The following SLC37A2 variants were observed in gnomAD, a reference collection of about 807,000 sequenced individuals.
SLC37A2 encodes the protein solute carrier family 37 member 2.
A neutral mutation model predicts 70.7 loss-of-function variants in SLC37A2; 59 were observed. The ratio of observed to expected loss-of-function variants is 0.83; its 90% CI spans 0.68 to 1.04. The LOEUF is 1.04. Ranked by LOEUF, SLC37A2 falls within the 50% of genes least tolerant of loss-of-function variation. SLC37A2 has a pLI of 0.00. For synonymous variants in SLC37A2, 257 were observed against 262.1 expected (o/e 0.98, Z 0.19); for missense variants, 580 against 658.1 (o/e 0.88, Z 1.30).
intron 1 of SLC37A2, among the ~76,000 whole-genome samples, chr11:125,075,395 G>A (rs575122293): frequency 2.0e-5 from 3 of 152,346 alleles, no homozygotes; most frequent in South Asian, 2.1e-4. Context: ...ACTTGGAGTA[G>A]CCCCAGCTTC....
rs1374116827 is a variant in SLC37A2 at position 125,084,309 on chromosome 11, C to T, written c.1115C>T (p.Ala372Val). Reference sequence around the variant, plus strand: ...ACTTGCTGTGTCATGCTCATCTTGGCTGCCCCCATGGTGCGTATAACCCCG... The same window carrying T: ...ACTTGCTGTGTCATGCTCATCTTGGTTGCCCCCATGGTGCGTATAACCCCG... ...ATTCCVMLIL[A>V]APMMFLYNYI... Residue 372 changes from alanine to valine, a missense_variant, in exon 12 of 18, where the codon GCT becomes GTT. Physicochemically the swap from Ala to Val is moderately conservative, Grantham distance 64 (BLOSUM62 0). Coordinates refer to ENST00000403796, the MANE Select transcript of SLC37A2 (RefSeq NM_001145290.2). 6.2e-7 allele frequency: 1 copy of T among 1,614,246 alleles called. No individual in the cohort carries two copies. Among genetic ancestry groups the T allele is most frequent in the South Asian group, 1.1e-5 (1 of 91,084 alleles).
chr11:125,063,515 T>A lies in SLC37A2; in HGVS notation c.59+89T>A. The stretch of plus-strand genomic sequence containing the variant: ...GGGGGGCCTCGGAGATCACCCCAGA[T>A]CGGCCCCGGCGTCGCCGCGTGGCCA... On this transcript the variant is annotated intron_variant, in intron 1 of 17. Coordinates refer to ENST00000403796, the MANE Select transcript of SLC37A2 (RefSeq NM_001145290.2). This position sits in a 1 kb window ranked among gnomAD's most constrained non-coding sequence, Gnocchi z 5.4. 7.9e-7 allele frequency: 1 copy of A among 1,273,884 alleles called. No individual in the cohort carries two copies. Among genetic ancestry groups the A allele is most frequent in the Non-Finnish European group, 1.1e-6 (1 of 916,548 alleles). 78.9% of individuals were successfully genotyped at this position (1,273,884 alleles called of 1,614,324 possible).
Position 125,080,571 on chromosome 11 carries a change from T to C in SLC37A2, c.528-43T>C. 1 of 1,420,750 alleles carries C rather than the reference T, an allele frequency of 7.0e-7. No homozygotes were observed. Among genetic ancestry groups the C allele is most frequent in the Non-Finnish European group, 9.3e-7 (1 of 1,076,686 alleles). 88.0% of individuals were successfully genotyped at this position (1,420,750 alleles called of 1,614,324 possible). On this transcript the variant is annotated intron_variant, in intron 6 of 17. Transcript: ENST00000403796. The surrounding 1 kb of genome is among the most constrained non-coding windows in gnomAD (Gnocchi z 4.3). The stretch of plus-strand genomic sequence containing the variant: ...AGTTGCTATGAACAATGTGCTTTGC[T>C]TTTTACTTTTTATACCTCTTCCCTT...
At chr11:125,071,482 A>T (rs1400987999) in intron 1 of SLC37A2, among the ~76,000 whole-genome samples, 2 of 152,118 alleles carry the variant, frequency 1.3e-5, no homozygotes, top group Non-Finnish European at 2.9e-5. Flanking sequence ...AAGCAAAACA[A>T]TCTATCCTGT....
At position 125,079,128 on chromosome 11, in the gene SLC37A2, C is replaced by G. The variant is rs370819947; in HGVS notation, c.331C>G (p.Arg111Gly). Residue 111 changes from arginine to glycine, a missense_variant, in exon 5 of 18, where the codon CGG becomes GGG. Transcript: ENST00000403796. ...GMFISGVFGERLPLRYYLSAG... is the reference protein window; with the variant it reads ...GMFISGVFGEGLPLRYYLSAG... Reference sequence around the variant, plus strand: ...CTTCCCCAGTGGGGTTTTTGGGGAGCGGCTTCCGCTCCGTTACTACCTCTC... The same window carrying G: ...CTTCCCCAGTGGGGTTTTTGGGGAGGGGCTTCCGCTCCGTTACTACCTCTC... 2 of 1,614,028 alleles carry G rather than the reference C, an allele frequency of 1.2e-6. No homozygotes were observed. The highest frequency in any genetic ancestry group is 2.7e-5 in the African/African-American group (2 of 74,922).
intron 11 of SLC37A2, 107 bp from the exon 12 acceptor site, chr11:125,084,127 T>C: frequency 7.9e-7 from 1 of 1,272,302 alleles, no homozygotes; most frequent in Non-Finnish European, 1.1e-6. Flanking sequence ...GCTCTGCTGG[T>C]TCTTGCTGAC....
At chr11:125,066,474 A>G (rs897987898) in intron 1 of SLC37A2, among the ~76,000 whole-genome samples, 1 of 152,244 alleles carries the variant, frequency 6.6e-6, no homozygotes, top group Non-Finnish European at 1.5e-5. Flanking sequence ...AAGAAGCATC[A>G]AAGTAAAATA....
chr11:125,079,188 C>T lies in SLC37A2; in HGVS notation c.391C>T (p.Leu131Phe). 2 of 1,614,214 alleles carry T rather than the reference C, an allele frequency of 1.2e-6. No individual in the cohort carries two copies. The highest frequency in any genetic ancestry group is 1.1e-5 in the South Asian group (1 of 91,084). Residue 131 changes from leucine (L) to phenylalanine (F), a missense_variant, in exon 5 of 18, where the codon CTC (leucine) becomes TTC (phenylalanine). Physicochemically the swap from Leu to Phe is conservative, Grantham distance 22. Coordinates refer to ENST00000403796, the MANE Select transcript of SLC37A2 (RefSeq NM_001145290.2). ...GMLLSGLFTS[L>F]FGLGYFWNIH... ...GCTGCTCAGTGGCCTTTTCACCTCG[C>T]TCTTTGGCCTGGGATATTTCTGGAA...
intron 4 of SLC37A2, 37 bp downstream of exon 4, chr11:125,077,565 A>G (rs1299621714): frequency 1.9e-6 from 3 of 1,569,380 alleles, no homozygotes; most frequent in Middle Eastern, 3.4e-4. Context: ...CAAGAGGAGG[A>G]TGGTTTAGAG....
Position 125,080,723 on chromosome 11 carries a change from G to A in SLC37A2, c.637G>A (p.Val213Met), listed in dbSNP as rs370405823. 8 of 1,564,916 alleles carry A rather than the reference G, an allele frequency of 5.1e-6. No homozygotes were observed. The highest frequency in any genetic ancestry group is 2.8e-5 in the African/African-American group (2 of 72,408). ...VNGQWGLSFI[V>M]PGIITAVMGV... ...CGGGCAGTGGGGCCTGTCGTTCATC[G>A]TGCCTGGCATCATTACTGCCGTCAT... The change falls in exon 7 of 18, where the codon GTG becomes ATG. Residue 213 changes from valine to methionine, a missense_variant. Coordinates refer to ENST00000403796, the MANE Select transcript of SLC37A2 (RefSeq NM_001145290.2). This position sits in a 1 kb window ranked among gnomAD's most constrained non-coding sequence, Gnocchi z 4.3.
chr11:125,077,433 C>A lies in SLC37A2; in HGVS notation c.236-17C>A. On this transcript the variant is annotated splice_polypyrimidine_tract_variant and intron_variant, in intron 3 of 17. Transcript: ENST00000403796. Reference sequence around the variant, plus strand: ...CATCCACGCAGTCAGCTTTCTGTTTCTCCCATCTGCTTTCAGACAAGGACA... The same window carrying A: ...CATCCACGCAGTCAGCTTTCTGTTTATCCCATCTGCTTTCAGACAAGGACA... 3 of 1,611,542 alleles carry A rather than the reference C, an allele frequency of 1.9e-6. No individual in the cohort carries two copies. Among genetic ancestry groups the A allele is most frequent in the East Asian group, 2.2e-5 (1 of 44,862 alleles).
chr11:125,068,620 T>G (rs1403267694), intron 1 of SLC37A2, among the ~76,000 whole-genome samples: 2 of 152,160 alleles, frequency 1.3e-5, no homozygotes, highest in Admixed American at 1.3e-4. Context: ...AGAAGTCGGT[T>G]GGGGAGATTT....
intron 1 of SLC37A2, among the ~76,000 whole-genome samples, chr11:125,067,839 A>C (rs557222700): frequency 6.6e-6 from 1 of 152,196 alleles, no homozygotes; most frequent in Non-Finnish European, 1.5e-5. Flanking sequence ...TTCTGGAACA[A>C]CCAGTCATTT....
chr11:125,077,558 G>C, intron 4 of SLC37A2, 30 bp downstream of exon 4: 4 of 1,587,568 alleles, frequency 2.5e-6, no homozygotes, highest in Non-Finnish European at 3.4e-6. Context: ...CTATGACCAA[G>C]AGGAGGATGG....
rs748253509 is a variant in SLC37A2, at chr11:125,076,753, G to T, written c.60-4G>T. On this transcript the variant is annotated splice_region_variant and splice_polypyrimidine_tract_variant and intron_variant, in intron 1 of 17. Transcript: ENST00000403796. The stretch of plus-strand genomic sequence containing the variant: ...ACTAACGCAGATGCTGTCCCTTCCT[G>T]CAGGTTCCGAGGCCTCATCCTGCTG... 16 of 1,614,102 alleles carry T rather than the reference G, an allele frequency of 9.9e-6. No homozygotes were observed. The East Asian group carries it at 3.6e-4, about 36-fold the overall frequency.
Position 125,080,604 on chromosome 11 carries a change from T to A in SLC37A2, c.528-10T>A. ...TTTTATACCTCTTCCCTTCTCTCCC[T>A]CCCTTCCAGGCGGGGGTTCATCATG... is the stretch of plus-strand genomic sequence containing the variant. On this transcript the variant is annotated splice_polypyrimidine_tract_variant and intron_variant, in intron 6 of 17. Transcript: ENST00000403796. This position sits in a 1 kb window ranked among gnomAD's most constrained non-coding sequence, Gnocchi z 4.3. The A allele has an allele frequency of 6.8e-7, 1 of 1,478,854 alleles. No individual in the cohort carries two copies. Among genetic ancestry groups the A allele is most frequent in the Non-Finnish European group, 9.0e-7 (1 of 1,108,068 alleles). The allele number at this position is 1,478,854 out of a possible 1,614,324, so 91.6% of individuals were successfully genotyped here. A position where few individuals can be genotyped will look rare whatever the true frequency, so the allele number is the denominator to read the frequency against.
At chr11:125,066,223 C>T (rs1948978781) in intron 1 of SLC37A2, among the ~76,000 whole-genome samples, 1 of 152,190 alleles carries the variant, frequency 6.6e-6, no homozygotes, top group East Asian at 1.9e-4. Context: ...TTTTCTGAGA[C>T]AGTATTTGGT....
At chr11:125,084,155 G>C in intron 11 of SLC37A2, 79 bp from the exon 12 acceptor site, 3 of 1,511,894 alleles carry the variant, frequency 2.0e-6, no homozygotes, top group Non-Finnish European at 2.8e-6. Flanking sequence ...GGCCAGCACT[G>C]GGGCACAGCT....
At chr11:125,086,136 C>T in intron 17 of SLC37A2, 118 bp downstream of exon 17, 5 of 1,536,122 alleles carry the variant, frequency 3.3e-6, no homozygotes, top group Non-Finnish European at 4.5e-6. Context: ...CTGAGGAGCA[C>T]TGAGCCAGTC....
Sources: allele counts gnomAD v4.1 joint callset (sites outside exome capture counted in the v4.1 genomes callset), GRCh38; gene constraint gnomAD v4.1.1; non-coding constraint Gnocchi (gnomAD v3.1); transcripts MANE v1.5; gene names NCBI Gene and HGNC (gene_info 2026-07-23, HGNC 2026-07-21).